ATP10B: variants seen among roughly 807,000 people sequenced by gnomAD.
ATP10B encodes ATPase phospholipid transporting 10B (putative).
In ATP10B, 122 loss-of-function variants were observed where a neutral mutation model predicts 141.2. That is an observed-to-expected ratio of 0.86 (90% CI 0.75 to 1.00). The LOEUF is 1.00. Ranked by LOEUF, ATP10B falls within the 50% of genes least tolerant of loss-of-function variation. ATP10B has a pLI of 0.00. For missense variants in ATP10B, 1,876 were observed against 1,825.3 expected (o/e 1.03, Z -0.51); for synonymous variants, 685 against 692.0 (o/e 0.99, Z 0.16).
intron 7 of ATP10B, among the ~76,000 whole-genome samples, chr5:160,657,512 G>T (rs1761590765): frequency 6.6e-6 from 1 of 152,164 alleles, no homozygotes; most frequent in Non-Finnish European, 1.5e-5. Flanking sequence ...GATTGGGCTG[G>T]AGGGCTCTGA....
At chr5:160,607,421 G>A (rs1757456313) in intron 18 of ATP10B, among the ~76,000 whole-genome samples, 1 of 152,162 alleles carries the variant, frequency 6.6e-6, no homozygotes, top group Non-Finnish European at 1.5e-5. Flanking sequence ...CTGGTATGGT[G>A]CTTTCTATTT....
Position 160,831,111 on chromosome 5 carries a change from CTT to C in ATP10B, c.-576+20828_-576+20829del, listed in dbSNP as rs11300815. ...TATTTGCTCTGTCACTTTCAACACG[CTT>C]TTTTTTTTTCTTTTAGATTCACTCA... On this transcript the variant is annotated intron_variant, in intron 1 of 25. Coordinates refer to ENST00000327245, the MANE Select transcript of ATP10B (RefSeq NM_025153.3). Among the ~76,000 whole-genome samples, 201 of 149,816 alleles carry C rather than the reference CTT, an allele frequency of 1.3e-3. 1 individual carries two copies. Among genetic ancestry groups the C allele is most frequent in the East Asian group, 0.012 (64 of 5,128 alleles).
the ATP10B span, among the ~76,000 whole-genome samples, chr5:160,922,117 A>T: frequency 2.0e-5 from 3 of 152,166 alleles, no homozygotes; most frequent in Non-Finnish European, 4.4e-5. Flanking sequence ...TCAGAGAAGG[A>T]TCAGCATCTG....
intron 24 of ATP10B, among the ~76,000 whole-genome samples, chr5:160,582,327 T>G (rs1755605990): frequency 1.3e-5 from 2 of 152,230 alleles, no homozygotes; most frequent in South Asian, 4.1e-4. Flanking sequence ...CAGGAGCTCT[T>G]GTAAGGTAGG....
intron 2 of ATP10B, among the ~76,000 whole-genome samples, chr5:160,755,675 C>T (rs1194607442): frequency 1.3e-5 from 2 of 148,628 alleles, no homozygotes; most frequent in Non-Finnish European, 3.0e-5. Context: ...ATTAGCCGGG[C>T]ATAGTGGCGG....
At chr5:160,568,785 G>A (rs1057267582) in intron 25 of ATP10B, among the ~76,000 whole-genome samples, 3 of 152,284 alleles carry the variant, frequency 2.0e-5, no homozygotes, top group African/African-American at 7.2e-5. Context: ...TGTCAAGAGT[G>A]AGCTCCAAGG....
At chr5:160,885,097 C>T in the ATP10B span, among the ~76,000 whole-genome samples, 4 of 152,186 alleles carry the variant, frequency 2.6e-5, no homozygotes, top group African/African-American at 9.7e-5. Flanking sequence ...CCACAAGCCA[C>T]CTCTGATCCT....
intron 14 of ATP10B, 26 bp downstream of exon 14, chr5:160,622,368 C>G: frequency 6.3e-7 from 1 of 1,589,868 alleles, no homozygotes; most frequent in African/African-American, 1.3e-5. Flanking sequence ...CTTTACCCTC[C>G]TCCCCCAGCC....
chr5:160,910,180 C>T, the ATP10B span, among the ~76,000 whole-genome samples: 302 of 152,110 alleles, frequency 2.0e-3, 1 homozygote, highest in African/African-American at 6.9e-3. Flanking sequence ...TTTGTGTTTG[C>T]TCTCATTATT....
intron 1 of ATP10B, among the ~76,000 whole-genome samples, chr5:160,816,728 A>G (rs1473285593): frequency 1.3e-5 from 2 of 152,226 alleles, no homozygotes; most frequent in Non-Finnish European, 2.9e-5. Context: ...AACATCCCTG[A>G]TAAACATCGA....
intron 1 of ATP10B, among the ~76,000 whole-genome samples, chr5:160,844,990 T>C (rs1383998382): frequency 6.6e-6 from 1 of 151,866 alleles, no homozygotes; most frequent in Non-Finnish European, 1.5e-5. Flanking sequence ...GCTTCTTGAA[T>C]ATTGGAATCA....
At chr5:160,774,317 C>T (rs1039181945) in intron 2 of ATP10B, among the ~76,000 whole-genome samples, 2 of 152,194 alleles carry the variant, frequency 1.3e-5, no homozygotes, top group African/African-American at 4.8e-5. Flanking sequence ...ACATTTCCCC[C>T]GGAGAAGCAG....
At chr5:160,748,479 G>A (rs991061661) in intron 2 of ATP10B, among the ~76,000 whole-genome samples, 3 of 152,184 alleles carry the variant, frequency 2.0e-5, no homozygotes, top group Admixed American at 6.5e-5. Flanking sequence ...CAGCCACTGG[G>A]TACAAAAGAG....
intron 2 of ATP10B, among the ~76,000 whole-genome samples, chr5:160,733,318 G>A (rs1581432904): frequency 6.6e-6 from 1 of 152,172 alleles, no homozygotes; most frequent in African/African-American, 2.4e-5. Context: ...GAACCTGTTA[G>A]ATAATATAAA....
chr5:160,666,033 T>C (rs1055512481), intron 7 of ATP10B, among the ~76,000 whole-genome samples: 2 of 152,202 alleles, frequency 1.3e-5, no homozygotes, highest in Non-Finnish European at 2.9e-5. Context: ...ATAGGGATAG[T>C]AATGCCCACC....
chr5:160,679,756 G>A (rs549361177), intron 6 of ATP10B, among the ~76,000 whole-genome samples: 1 of 152,340 alleles, frequency 6.6e-6, no homozygotes, highest in Admixed American at 6.5e-5. Flanking sequence ...ACCAGCTGCT[G>A]AAACTGTGGA....
At chr5:160,565,951 A>G in intron 25 of ATP10B, 51 bp from the exon 26 acceptor site, 2 of 1,498,382 alleles carry the variant, frequency 1.3e-6, no homozygotes, top group Non-Finnish European at 1.8e-6. Flanking sequence ...CTGACTTCAT[A>G]AACTTCAGCA....
At chr5:160,719,105 T>C (rs1158478607) in intron 2 of ATP10B, among the ~76,000 whole-genome samples, 1 of 152,152 alleles carries the variant, frequency 6.6e-6, no homozygotes, top group Non-Finnish European at 1.5e-5. Context: ...GTTTTTACCA[T>C]TAAAAGTAAT....
chr5:160,800,665 C>T (rs1225279182), intron 1 of ATP10B, among the ~76,000 whole-genome samples: 3 of 152,170 alleles, frequency 2.0e-5, no homozygotes, highest in Non-Finnish European at 4.4e-5. Flanking sequence ...GTTTAATAGT[C>T]TCCACTTATA....
Sources: gnomAD v4.1 joint callset for allele counts (sites outside exome capture counted in the v4.1 genomes callset) on GRCh38, gnomAD v4.1.1 for gene constraint, MANE v1.5 for transcripts, NCBI Gene and HGNC (gene_info 2026-07-23, HGNC 2026-07-21) for gene names.